Variants in NEK11 observed in about 807,000 individuals in gnomAD.
NEK11 encodes the protein NIMA related kinase 11.
Under a neutral mutation model 80.7 loss-of-function variants are expected in NEK11, and 72 were observed. That is an observed-to-expected ratio of 0.89 (90% CI 0.74 to 1.08). The LOEUF (loss-of-function observed/expected upper bound fraction) is 1.08, where lower values mean the gene tolerates loss of function less well. NEK11 is among the 50% of genes least tolerant of loss of function. The pLI is 0.00. For synonymous variants in NEK11, 251 were observed against 260.7 expected, an observed-to-expected ratio of 0.96 and a Z score of 0.36; for missense variants, 764 against 763.6, an observed-to-expected ratio of 1.00 and a Z score of -0.01.
intron 5 of NEK11, among the ~76,000 whole-genome samples, chr3:131,127,448 AAT>A (rs1243060064): frequency 2.0e-5 from 3 of 151,228 alleles, no homozygotes; most frequent in African/African-American, 7.3e-5. Flanking sequence ...ATTCCTAGAA[AAT>A]ATATATATGC....
At chr3:131,156,908 G>A (rs976062572) in intron 10 of NEK11, among the ~76,000 whole-genome samples, 2 of 151,128 alleles carry the variant, frequency 1.3e-5, no homozygotes, top group South Asian at 2.1e-4. Flanking sequence ...TGTGCTGGTT[G>A]TTGGGATCGA....
At chr3:131,054,614 AGGCATGGT>A (rs2069021348) in intron 3 of NEK11, 1 of 151,504 alleles carries the variant, frequency 6.6e-6, no homozygotes, top group African/African-American at 2.4e-5. Context: ...AAAATTAGCC[AGGCATGGT>A]GGCACATGCC....
chr3:131,104,965 T>A (rs1231149785), intron 4 of NEK11, among the ~76,000 whole-genome samples: 1 of 152,210 alleles, frequency 6.6e-6, no homozygotes, highest in Non-Finnish European at 1.5e-5. Flanking sequence ...GGTGGGCAGC[T>A]GTCCTACCTT....
At chr3:131,063,412 C>T (rs370388371) in intron 3 of NEK11, among the ~76,000 whole-genome samples, 38 of 152,164 alleles carry the variant, frequency 2.5e-4, no homozygotes, top group Non-Finnish European at 4.6e-4. Flanking sequence ...ATTCCAGGAC[C>T]ATCTTCTCTA....
intron 17 of NEK11, among the ~76,000 whole-genome samples, chr3:131,293,745 G>A (rs1259880119): frequency 6.6e-6 from 1 of 151,988 alleles, no homozygotes; most frequent in Non-Finnish European, 1.5e-5. Context: ...TGATGTGGAA[G>A]GTTATTAATT....
intron 17 of NEK11, among the ~76,000 whole-genome samples, chr3:131,324,589 G>C (rs1311787067): frequency 6.6e-6 from 1 of 152,156 alleles, no homozygotes. Flanking sequence ...AAAAAGTGTG[G>C]CTTGAATTGA....
chr3:131,289,332 G>A (rs2096518149), intron 17 of NEK11, among the ~76,000 whole-genome samples: 1 of 152,192 alleles, frequency 6.6e-6, no homozygotes, highest in African/African-American at 2.4e-5. Flanking sequence ...TCAAGCCCTG[G>A]TCTACAAATA....
At chr3:131,124,492 A>C (rs2082943775) in intron 5 of NEK11, among the ~76,000 whole-genome samples, 1 of 151,152 alleles carries the variant, frequency 6.6e-6, no homozygotes, top group Admixed American at 6.6e-5. Flanking sequence ...TGCCACATTC[A>C]CCCCCTACAC....
intron 14 of NEK11, among the ~76,000 whole-genome samples, chr3:131,222,788 C>A (rs182079646): frequency 1.6e-3 from 237 of 152,332 alleles, no homozygotes; most frequent in African/African-American, 4.9e-3. Flanking sequence ...CCACACCAGA[C>A]CTGCTGAATC....
At chr3:131,028,467 ATAAC>A (rs2064233711) in intron 2 of NEK11, among the ~76,000 whole-genome samples, 1 of 152,230 alleles carries the variant, frequency 6.6e-6, no homozygotes, top group Admixed American at 6.5e-5. Flanking sequence ...ACTTTTCTTG[ATAAC>A]TAACAAAACA....
intron 17 of NEK11, among the ~76,000 whole-genome samples, chr3:131,302,873 C>T (rs2096676926): frequency 6.6e-6 from 1 of 152,032 alleles, no homozygotes; most frequent in African/African-American, 2.4e-5. Context: ...TCCTTTTGGT[C>T]AAATGTCAAG....
chr3:131,255,889 G>C (rs894432877), intron 16 of NEK11, among the ~76,000 whole-genome samples: 1 of 152,102 alleles, frequency 6.6e-6, no homozygotes, highest in Non-Finnish European at 1.5e-5. Context: ...ATGCCCAGCT[G>C]TAACCAATAA....
At chr3:131,305,367 T>C (rs2096712178) in intron 17 of NEK11, among the ~76,000 whole-genome samples, 1 of 151,990 alleles carries the variant, frequency 6.6e-6, no homozygotes, top group Admixed American at 6.5e-5. Context: ...CTGGGAAATA[T>C]CCTGGTTGGG....
chr3:131,263,699 G>T (rs897134726), intron 16 of NEK11, among the ~76,000 whole-genome samples: 12 of 152,148 alleles, frequency 7.9e-5, no homozygotes, highest in African/African-American at 2.7e-4. Flanking sequence ...CTTTATAACA[G>T]CATGATTTAT....
chr3:131,147,415 A>G (rs1469407863), intron 7 of NEK11, among the ~76,000 whole-genome samples: 1 of 152,024 alleles, frequency 6.6e-6, no homozygotes, highest in Non-Finnish European at 1.5e-5. Context: ...ATTTGATTGC[A>G]TTGGTGTATA....
intron 17 of NEK11, among the ~76,000 whole-genome samples, chr3:131,309,223 A>G (rs2109361189): frequency 6.6e-6 from 1 of 152,222 alleles, no homozygotes; most frequent in South Asian, 2.1e-4. Flanking sequence ...TAACTTTGGG[A>G]TTCTTGTTGT....
chr3:131,169,865 T>C (rs1232630703), intron 13 of NEK11, among the ~76,000 whole-genome samples: 3 of 152,348 alleles, frequency 2.0e-5, no homozygotes, highest in Middle Eastern at 3.4e-3. Context: ...ACGTATTTCA[T>C]GTACTCTCTG....
chr3:131,210,554 C>T (rs1031031474), intron 14 of NEK11, among the ~76,000 whole-genome samples: 2 of 151,934 alleles, frequency 1.3e-5, no homozygotes, highest in Non-Finnish European at 1.5e-5. Context: ...CATTGTTCTG[C>T]CTAATGTTGA....
At chr3:131,338,291 T>TA (rs35423047) in intron 17 of NEK11, among the ~76,000 whole-genome samples, 50 of 148,232 alleles carry the variant, frequency 3.4e-4, no homozygotes, top group African/African-American at 1.2e-3. Context: ...TTTTTTTTTT[T>TA]AATACTAAGT....
Sources: gnomAD v4.1 joint callset for allele counts (sites outside exome capture counted in the v4.1 genomes callset) on GRCh38, gnomAD v4.1.1 for gene constraint, MANE v1.5 for transcripts, NCBI Gene and HGNC (gene_info 2026-07-23, HGNC 2026-07-21) for gene names.